Variants in EIF2B5 observed in about 807,000 individuals in gnomAD.
EIF2B5 encodes the protein eukaryotic translation initiation factor 2B subunit epsilon.
Under a neutral mutation model 87.3 loss-of-function variants are expected in EIF2B5, and 38 were observed. The ratio of observed to expected loss-of-function variants is 0.44; its 90% CI spans 0.34 to 0.57. EIF2B5 has a LOEUF of 0.57. Among genes scored for constraint, EIF2B5 ranks in the 20% least tolerant of loss-of-function variants. The probability of loss-of-function intolerance (pLI) is 0.02; values close to 1 mark genes in which losing one functional copy is unlikely to be tolerated. For missense variants in EIF2B5, 784 were observed against 909.5 expected, an observed-to-expected ratio of 0.86 and a Z score of 1.78; for synonymous variants, 313 against 339.6, an observed-to-expected ratio of 0.92 and a Z score of 0.86.
chr3:184,141,851 C>T (rs1004368103), intron 7 of EIF2B5, 74 bp from the exon 8 acceptor site: 6 of 1,599,102 alleles, frequency 3.8e-6, no homozygotes, highest in Non-Finnish European at 5.1e-6. Flanking sequence ...GTCAGTCAGC[C>T]CTGTCCTCTA....
At chr3:184,138,964 TG>T in intron 5 of EIF2B5, 1 of 241,144 alleles carries the variant, frequency 4.1e-6, no homozygotes, top group African/African-American at 2.4e-5. Flanking sequence ...TTTTTTTTGT[TG>T]TTGTTGTTGT....
chr3:184,136,250 TAGAA>T (rs1369105317), intron 1 of EIF2B5, among the ~76,000 whole-genome samples: 9 of 152,244 alleles, frequency 5.9e-5, no homozygotes, highest in African/African-American at 2.2e-4. Flanking sequence ...CTCTGACACT[TAGAA>T]AGGGATCAAG....
At position 184,136,730 on chromosome 3, in the gene EIF2B5, A is replaced by G. The variant is rs1713377436; in HGVS notation, c.314A>G (p.His105Arg). 1 of 1,614,168 alleles carries G rather than the reference A, an allele frequency of 6.2e-7. No individual in the cohort carries two copies. Among genetic ancestry groups the G allele is most frequent in the Non-Finnish European group, 8.5e-7 (1 of 1,180,026 alleles). ...CCWKAAQIKEHLLKSKWCRPT... is the reference protein window; with the variant it reads ...CCWKAAQIKERLLKSKWCRPT... Reference sequence around the variant, plus strand: ...TGGAAAGCTGCTCAAATCAAAGAACATTTACTGTAAGGCCCTGCAACTTTT... The same window carrying G: ...TGGAAAGCTGCTCAAATCAAAGAACGTTTACTGTAAGGCCCTGCAACTTTT... Residue 105 changes from histidine to arginine, a missense_variant, in exon 2 of 16, where the codon CAT (histidine) becomes CGT (arginine). This residue lies in a region of EIF2B5 where 660 missense variants were observed against 789.5 expected (regional missense o/e 0.84). Transcript: ENST00000648915.
At chr3:184,144,830 G>A (rs1229676000) in intron 15 of EIF2B5, 54 bp from the exon 16 acceptor site, 1 of 1,600,294 alleles carries the variant, frequency 6.2e-7, no homozygotes, top group East Asian at 2.2e-5. Context: ...GCCGAGGGGA[G>A]CAGGAGAGTT....
intron 7 of EIF2B5, among the ~76,000 whole-genome samples, chr3:184,141,478 A>G (rs1363039348): frequency 6.6e-6 from 1 of 152,112 alleles, no homozygotes; most frequent in Non-Finnish European, 1.5e-5. Flanking sequence ...CTGAGGCAGG[A>G]GGATTACCTG....
At chr3:184,136,825 G>T in intron 2 of EIF2B5, 89 bp downstream of exon 2, 1 of 1,565,186 alleles carries the variant, frequency 6.4e-7, no homozygotes, top group Non-Finnish European at 8.8e-7. Flanking sequence ...TGTGAGAGGG[G>T]AAAAATGTGT....
chr3:184,142,844 C>A lies in EIF2B5; in HGVS notation c.1612C>A (p.Pro538Thr). The change falls in exon 11 of 16, where the codon CCG becomes ACG. Residue 538 changes from proline to threonine, a missense_variant. By Grantham distance (38) the Pro-to-Thr change is conservative. Coordinates refer to ENST00000648915, the MANE Select transcript of EIF2B5 (RefSeq NM_003907.3). This position sits in a 1 kb window ranked among gnomAD's most constrained non-coding sequence, Gnocchi z 5.0. ...TGAGCAAAGTATGGATTCTGAGGAGCCGGACAGCCGGGGAGGCTCCCCTCA... is the reference window on the plus strand; with the variant it reads ...TGAGCAAAGTATGGATTCTGAGGAGACGGACAGCCGGGGAGGCTCCCCTCA... ...ESEQSMDSEE[P>T]DSRGGSPQMD... 6.2e-7 allele frequency: 1 copy of A among 1,613,994 alleles called. No individual in the cohort carries two copies. Among genetic ancestry groups the A allele is most frequent in the Non-Finnish European group, 8.5e-7 (1 of 1,180,008 alleles).
At chr3:184,143,892 C>T (rs1713748793) in intron 13 of EIF2B5, 1 of 809,728 alleles carries the variant, frequency 1.2e-6, no homozygotes, top group Non-Finnish European at 2.0e-6. Flanking sequence ...TTGAGGCAGC[C>T]TATAGCATCT....
At position 184,143,535 on chromosome 3, in the gene EIF2B5, C is replaced by T. The variant is rs1713735121; in HGVS notation, c.1839C>T (p.Asp613=). 1 of 1,614,204 alleles carries T rather than the reference C, an allele frequency of 6.2e-7. No homozygotes were observed. Among genetic ancestry groups the T allele is most frequent in the African/African-American group, 1.3e-5 (1 of 75,058 alleles). Reference sequence around the variant, plus strand: ...TGCAACAGATGGATTCCCCGCTTGACTCAAGCCGCTACTGTGCCCTGCTGC... The same window carrying T: ...TGCAACAGATGGATTCCCCGCTTGATTCAAGCCGCTACTGTGCCCTGCTGC... ...FPLQQMDSPL[D]SSRYCALLLP... is the part of the protein sequence containing the mutation. Residue 613 remains aspartate, a synonymous_variant, in exon 13 of 16, where the codon GAC becomes GAT. Transcript: ENST00000648915.
chr3:184,142,357 A>G lies in EIF2B5; in HGVS notation c.1423A>G (p.Lys475Glu). 6.2e-7 allele frequency: 1 copy of G among 1,614,164 alleles called. No individual in the cohort carries two copies. The change falls in exon 9 of 16, where the codon AAG (lysine) becomes GAG (glutamate). Residue 475 changes from lysine to glutamate, a missense_variant. Around this residue, in one of 3 missense-constraint regions of EIF2B5, gnomAD observed 660 missense variants for 789.5 expected, o/e 0.84. Coordinates refer to ENST00000648915, the MANE Select transcript of EIF2B5 (RefSeq NM_003907.3). This position sits in a 1 kb window ranked among gnomAD's most constrained non-coding sequence, Gnocchi z 5.0. ...TGATGATTCTGGGGCTGACCAAGAA[A>G]AGGACAAAGTGAAGATGAAAGGTGT... ...FSDDSGADQE[K>E]DKVKMKGYNP...
Position 184,142,663 on chromosome 3 carries a change from G to T in EIF2B5, c.1546+60G>T. 6.4e-7 allele frequency: 1 copy of T among 1,556,786 alleles called. No homozygotes were observed. ...GAATCGGAATATTTTGAAGGATAAT[G>T]AATACTTCAGAGTCACATTACTTAT... On this transcript the variant is annotated intron_variant, in intron 10 of 15. Coordinates refer to ENST00000648915, the MANE Select transcript of EIF2B5 (RefSeq NM_003907.3). This position sits in a 1 kb window ranked among gnomAD's most constrained non-coding sequence, Gnocchi z 5.0.
rs760637605 is a variant in EIF2B5 at position 184,140,637 on chromosome 3, A to G, written c.1063A>G (p.Ile355Val). ...TGAGGTCAGCCTGGGCCATGGCAGC[A>G]TCCTAGAGGAAAATGTGCTCCTGGG... ...GPEVSLGHGSILEENVLLGSG... is the reference protein window; with the variant it reads ...GPEVSLGHGSVLEENVLLGSG... The change falls in exon 7 of 16, where the codon ATC becomes GTC. Residue 355 changes from isoleucine (I) to valine (V), a missense_variant. Coordinates refer to ENST00000648915, the MANE Select transcript of EIF2B5 (RefSeq NM_003907.3). 3.1e-6 allele frequency: 5 copies of G among 1,614,194 alleles called. No homozygotes were observed. Among genetic ancestry groups the G allele is most frequent in the Middle Eastern group, 1.6e-4 (1 of 6,062 alleles).
rs2109009179 is a variant in EIF2B5, at chr3:184,140,657, C to T, written c.1083C>T (p.Leu361=). The T allele has an allele frequency of 1.9e-6, 3 of 1,614,186 alleles. No individual in the cohort carries two copies. Among genetic ancestry groups the T allele is most frequent in the Non-Finnish European group, 1.7e-6 (2 of 1,180,030 alleles). Residue 361 remains leucine, a synonymous_variant, in exon 7 of 16, where the codon CTC becomes CTT. Transcript: ENST00000648915. ...GHGSILEENV[L]LGSGTVIGSN... ...GCAGCATCCTAGAGGAAAATGTGCT[C>T]CTGGGCTCTGGCACTGTCATTGGCA... is the stretch of plus-strand genomic sequence containing the variant.
intron 14 of EIF2B5, 141 bp downstream of exon 14, chr3:184,144,365 C>G (rs1370867600): frequency 2.1e-6 from 3 of 1,417,174 alleles, no homozygotes; most frequent in South Asian, 1.2e-5. Flanking sequence ...TAGAATAGTA[C>G]AGCTTGGAGC....
chr3:184,143,455 A>C lies in EIF2B5; in HGVS notation c.1759A>C (p.Ile587Leu). The C allele has an allele frequency of 6.2e-7, 1 of 1,613,880 alleles. No individual in the cohort carries two copies. Among genetic ancestry groups the C allele is most frequent in the East Asian group, 2.2e-5 (1 of 44,856 alleles). The change falls in exon 13 of 16, where the codon ATA (isoleucine) becomes CTA (leucine). Residue 587 changes from isoleucine to leucine, a missense_variant. This residue lies in a region of EIF2B5 where 660 missense variants were observed against 789.5 expected (regional missense o/e 0.84). Transcript: ENST00000648915. ...GTCTCCCCACAGGTATGCCTATAAC[A>C]TAAGTCTAAAGGAGGTGATGCAGGT... ...EINSLKYAYN[I>L]SLKEVMQVLS...
At position 184,136,605 on chromosome 3, in the gene EIF2B5, C is replaced by A; in HGVS notation, c.196-7C>A. 6.2e-7 allele frequency: 1 copy of A among 1,614,048 alleles called. No individual in the cohort carries two copies. Reference sequence around the variant, plus strand: ...CCTCAAGTTTTTTTTCATCTTGTATCCTTCAGGTCCTCTTGCCCCTGGCCA... The same window carrying A: ...CCTCAAGTTTTTTTTCATCTTGTATACTTCAGGTCCTCTTGCCCCTGGCCA... On this transcript the variant is annotated splice_polypyrimidine_tract_variant and splice_region_variant and intron_variant, in intron 1 of 15. Transcript: ENST00000648915.
rs1713720696 is a variant in EIF2B5 at position 184,143,202 on chromosome 3, G to GT, written c.1745+61dup. ...ATCCCGGGAAGGTAGAGGCTTTCTCGTAAGTGTTTTGTCTCCAAATAGGAA... is the reference window on the plus strand; with the variant it reads ...ATCCCGGGAAGGTAGAGGCTTTCTCGTTAAGTGTTTTGTCTCCAAATAGGAA... On this transcript the variant is annotated intron_variant, in intron 12 of 15. Transcript: ENST00000648915. 40 of 1,576,056 alleles carry GT rather than the reference G, an allele frequency of 2.5e-5. No homozygotes were observed. In the South Asian group the frequency reaches 3.8e-4, roughly 15 times the overall value.
At position 184,142,956 on chromosome 3, in the gene EIF2B5, G is replaced by T; in HGVS notation, c.1654+70G>T. ...CTGGATCAACTAGCCAGAGGCTTACGTTCCTCAGAAAGGGTTTGGTATCGA... is the reference window on the plus strand; with the variant it reads ...CTGGATCAACTAGCCAGAGGCTTACTTTCCTCAGAAAGGGTTTGGTATCGA... On this transcript the variant is annotated intron_variant, in intron 11 of 15. Coordinates refer to ENST00000648915, the MANE Select transcript of EIF2B5 (RefSeq NM_003907.3). This position sits in a 1 kb window ranked among gnomAD's most constrained non-coding sequence, Gnocchi z 5.0. 2 of 1,571,536 alleles carry T rather than the reference G, an allele frequency of 1.3e-6. No individual in the cohort carries two copies. The highest frequency in any genetic ancestry group is 1.8e-5 in the Admixed American group (1 of 55,908).
rs778932439 is a variant in EIF2B5 at position 184,140,549 on chromosome 3, G to A, written c.975G>A (p.Ala325=). Residue 325 remains alanine, a synonymous_variant, in exon 7 of 16, where the codon GCG becomes GCA. Transcript: ENST00000648915. Reference sequence around the variant, plus strand: ...GGGTCTACCCTCTCACCCCAGAGGCGAACTTCACTGACAGCACCACCCAGA... The same window carrying A: ...GGGTCTACCCTCTCACCCCAGAGGCAAACTTCACTGACAGCACCACCCAGA... The part of the protein sequence containing the change: ...RRWVYPLTPE[A]NFTDSTTQSC... 5.6e-6 allele frequency: 9 copies of A among 1,614,120 alleles called. No individual in the cohort carries two copies. In the Admixed American group the frequency reaches 1.0e-4, roughly 18 times the overall value.
Sources: gnomAD v4.1 joint callset for allele counts (sites outside exome capture counted in the v4.1 genomes callset) on GRCh38, gnomAD v4.1.1 for gene constraint, gnomAD v4.1.1 regional missense constraint, Gnocchi (gnomAD v3.1) non-coding constraint, MANE v1.5 for transcripts, NCBI Gene and HGNC (gene_info 2026-07-23, HGNC 2026-07-21) for gene names.